Variants in GMDS observed in about 807,000 individuals in gnomAD.
GMDS encodes the protein GDP-mannose 4,6 dehydratase.
A neutral mutation model predicts 49.9 loss-of-function variants in GMDS; 20 were observed. The observed-to-expected ratio is 0.40, with a 90% confidence interval of 0.28 to 0.58. GMDS has a LOEUF of 0.58. GMDS is among the 20% of genes least tolerant of loss of function. The pLI, the probability that GMDS is intolerant of heterozygous loss-of-function variation, is 0.42. For missense variants in GMDS, 362 were observed against 481.4 expected (o/e 0.75, Z 2.32); for synonymous variants, 177 against 178.6 (o/e 0.99, Z 0.07).
At chr6:1,749,135 A>G (rs1043221877) in intron 7 of GMDS, among the ~76,000 whole-genome samples, 1 of 152,080 alleles carries the variant, frequency 6.6e-6, no homozygotes. Context: ...GGCTGCCACA[A>G]TTTCTCAAGA....
At chr6:1,809,204 C>T (rs1172483220) in intron 7 of GMDS, among the ~76,000 whole-genome samples, 3 of 152,084 alleles carry the variant, frequency 2.0e-5, no homozygotes, top group Admixed American at 6.5e-5. Flanking sequence ...CTTCTTAAAC[C>T]AAAATGGTTG....
At chr6:1,758,893 A>T (rs1768055309) in intron 7 of GMDS, among the ~76,000 whole-genome samples, 1 of 152,180 alleles carries the variant, frequency 6.6e-6, no homozygotes, top group African/African-American at 2.4e-5. Flanking sequence ...CTCAAAAAAT[A>T]ATAATAATCC....
chr6:1,939,539 A>T (rs28567979), intron 6 of GMDS, among the ~76,000 whole-genome samples: 1 of 140,276 alleles, frequency 7.1e-6, no homozygotes, highest in South Asian at 2.9e-4. Context: ...ATATATACAC[A>T]TATATACATA....
chr6:1,965,754 AC>A (rs1033893165), intron 4 of GMDS, among the ~76,000 whole-genome samples: 1 of 152,152 alleles, frequency 6.6e-6, no homozygotes, highest in African/African-American at 2.4e-5. Context: ...GATTACTCGA[AC>A]CCAGGAGGTT....
chr6:2,205,850 C>A (rs1401258022), intron 1 of GMDS, among the ~76,000 whole-genome samples: 3 of 152,088 alleles, frequency 2.0e-5, no homozygotes, highest in Non-Finnish European at 4.4e-5. Context: ...ATATCAATTT[C>A]TTTAATAGAT....
chr6:2,201,949 G>A (rs192734798), intron 1 of GMDS, among the ~76,000 whole-genome samples: 1,716 of 131,926 alleles, frequency 0.013, 22 homozygotes, highest in Admixed American at 0.054. Flanking sequence ...CATCCGAGAT[G>A]AAACCATCTA....
Position 1,965,572 on chromosome 6 carries a change from C to T in GMDS, c.346-4606G>A, listed in dbSNP as rs566620225. Among the ~76,000 whole-genome samples, 5 of 152,172 alleles carry T rather than the reference C, an allele frequency of 3.3e-5. No homozygotes were observed. The South Asian group carries it at 8.3e-4, about 25-fold the overall frequency. On this transcript the variant is annotated intron_variant, in intron 4 of 10. Coordinates refer to ENST00000380815, the MANE Select transcript of GMDS (RefSeq NM_001500.4). ...GCACAGTGGCTCACACCTGTGGTCC[C>T]GACACTTTGGGAGGCTGAGGCCAGA...
At chr6:1,810,997 T>C (rs544777114) in intron 7 of GMDS, among the ~76,000 whole-genome samples, 5 of 152,234 alleles carry the variant, frequency 3.3e-5, no homozygotes, top group East Asian at 1.9e-4. Flanking sequence ...GTTTTTTTTT[T>C]CCCTCTCCCA....
intron 4 of GMDS, among the ~76,000 whole-genome samples, chr6:2,044,718 TA>T (rs1028822801): frequency 3.3e-5 from 5 of 151,964 alleles, no homozygotes; most frequent in African/African-American, 1.2e-4. Flanking sequence ...TTTTAAAAGT[TA>T]AAAAAAATGT....
At chr6:1,939,475 CTAAAGACCCAAGGATATACA>C (rs1276662768) in intron 6 of GMDS, among the ~76,000 whole-genome samples, 1 of 151,640 alleles carries the variant, frequency 6.6e-6, no homozygotes, top group Non-Finnish European at 1.5e-5. Flanking sequence ...TGGGTGTTCC[CTAAAGACCCAAGGATATACA>C]TATACACACA....
chr6:1,812,378 G>A (rs1270020067), intron 7 of GMDS, among the ~76,000 whole-genome samples: 1 of 152,122 alleles, frequency 6.6e-6, no homozygotes, highest in East Asian at 1.9e-4. Flanking sequence ...TACCTACTGG[G>A]GCCTCCACAG....
chr6:2,053,048 C>T (rs894947466), intron 4 of GMDS, among the ~76,000 whole-genome samples: 5 of 151,990 alleles, frequency 3.3e-5, no homozygotes, highest in African/African-American at 1.2e-4. Flanking sequence ...TTTAAAATTC[C>T]CAATGTTAAA....
At chr6:2,149,940 T>C (rs1349914701) in intron 1 of GMDS, among the ~76,000 whole-genome samples, 1 of 152,144 alleles carries the variant, frequency 6.6e-6, no homozygotes, top group Non-Finnish European at 1.5e-5. Context: ...AATTACCTTA[T>C]ATCCTGGAAA....
intron 4 of GMDS, among the ~76,000 whole-genome samples, chr6:1,997,291 C>T (rs1238949339): frequency 2.6e-5 from 4 of 151,878 alleles, no homozygotes; most frequent in Admixed American, 2.0e-4. Context: ...GGGCAAATCA[C>T]GAGGTCAGGA....
chr6:2,113,351 T>C (rs1014022502), intron 4 of GMDS, among the ~76,000 whole-genome samples: 1 of 152,092 alleles, frequency 6.6e-6, no homozygotes, highest in African/African-American at 2.4e-5. Flanking sequence ...TCTTAAGCCC[T>C]ACCTCTAGAC....
At chr6:1,771,973 A>G (rs975362452) in intron 7 of GMDS, among the ~76,000 whole-genome samples, 3 of 136,596 alleles carry the variant, frequency 2.2e-5, no homozygotes, top group African/African-American at 8.4e-5. Context: ...GAGCAGGCAA[A>G]GAAGGTTTTT....
intron 7 of GMDS, among the ~76,000 whole-genome samples, chr6:1,859,461 T>C (rs1453150465): frequency 6.6e-6 from 1 of 152,210 alleles, no homozygotes; most frequent in African/African-American, 2.4e-5. Context: ...ATTTCAGCTG[T>C]AATGGCCACC....
At chr6:2,041,261 G>A (rs1351263415) in intron 4 of GMDS, among the ~76,000 whole-genome samples, 2 of 152,152 alleles carry the variant, frequency 1.3e-5, no homozygotes, top group African/African-American at 4.8e-5. Context: ...AAAAAGATTA[G>A]ATAAATAAAT....
At chr6:2,047,773 G>A (rs1453557946) in intron 4 of GMDS, among the ~76,000 whole-genome samples, 1 of 152,152 alleles carries the variant, frequency 6.6e-6, no homozygotes, top group Admixed American at 6.5e-5. Flanking sequence ...ACAGGCATGA[G>A]CCACTGCACT....
Sources: gnomAD v4.1 joint callset for allele counts (sites outside exome capture counted in the v4.1 genomes callset) on GRCh38, gnomAD v4.1.1 for gene constraint, MANE v1.5 for transcripts, NCBI Gene and HGNC (gene_info 2026-07-23, HGNC 2026-07-21) for gene names.